Variants in RUNX2 observed in about 807,000 individuals in gnomAD.
RUNX2 encodes runt-related transcription factor 2.
In RUNX2, 10 loss-of-function variants were observed where a neutral mutation model predicts 51.7. That is an observed-to-expected ratio of 0.19 (90% confidence interval 0.12 to 0.33). The LOEUF (loss-of-function observed/expected upper bound fraction) is 0.33, where lower values mean the gene tolerates loss of function less well. Ranked by LOEUF, RUNX2 falls within the 10% of genes least tolerant of loss-of-function variation. The probability of loss-of-function intolerance (pLI) is 1.00; values close to 1 mark genes in which losing one functional copy is unlikely to be tolerated. For synonymous variants in RUNX2, 276 were observed against 273.6 expected, an observed-to-expected ratio of 1.01 and a Z score of -0.09; for missense variants, 562 against 691.3, an observed-to-expected ratio of 0.81 and a Z score of 2.10.
chr6:45,455,454 T>C (rs1799292807), intron 5 of RUNX2, among the ~76,000 whole-genome samples: 1 of 152,200 alleles, frequency 6.6e-6, no homozygotes, highest in Non-Finnish European at 1.5e-5. Flanking sequence ...AACGTATCCA[T>C]ATTGTTTATT....
intron 2 of RUNX2, among the ~76,000 whole-genome samples, chr6:45,412,907 G>A (rs539443595): frequency 1.3e-5 from 2 of 152,024 alleles, no homozygotes; most frequent in Admixed American, 1.3e-4. Context: ...CACCACACTC[G>A]GCTGATTTTT....
intron 7 of RUNX2, among the ~76,000 whole-genome samples, chr6:45,536,509 T>G (rs2150443897): frequency 6.6e-6 from 1 of 152,328 alleles, no homozygotes; most frequent in East Asian, 1.9e-4. Flanking sequence ...CAGGATGGCC[T>G]CAGGGCTGTT....
intron 5 of RUNX2, among the ~76,000 whole-genome samples, chr6:45,472,421 T>C (rs1322555274): frequency 1.3e-5 from 2 of 152,172 alleles, no homozygotes; most frequent in African/African-American, 4.8e-5. Flanking sequence ...TCCTTAGGTT[T>C]TCTCCCATTC....
intron 2 of RUNX2, among the ~76,000 whole-genome samples, chr6:45,329,259 AATAAACCT>A (rs2150069862): frequency 6.6e-6 from 1 of 152,100 alleles, no homozygotes; most frequent in East Asian, 1.9e-4. Flanking sequence ...ATAACACAGA[AATAAACCT>A]GTAGTACAGT....
intron 2 of RUNX2, among the ~76,000 whole-genome samples, chr6:45,353,712 C>T (rs934880618): frequency 6.6e-6 from 1 of 151,532 alleles, no homozygotes; most frequent in African/African-American, 2.4e-5. Flanking sequence ...AAGGGTAGGA[C>T]ATTCTGTCAA....
At chr6:45,423,109 C>T (rs1798271220) in intron 3 of RUNX2, 152 bp downstream of exon 3, 1 of 1,007,764 alleles carries the variant, frequency 9.9e-7, no homozygotes, top group African/African-American at 1.6e-5. Flanking sequence ...GGCCTCCCTC[C>T]GGATGCCCTG....
chr6:45,449,196 C>G (rs1799087380), intron 5 of RUNX2, among the ~76,000 whole-genome samples: 1 of 152,172 alleles, frequency 6.6e-6, no homozygotes, highest in Admixed American at 6.5e-5. Context: ...AACCACTAAA[C>G]TTTTCTCTAC....
chr6:45,339,309 G>C (rs909231357), intron 2 of RUNX2, among the ~76,000 whole-genome samples: 11 of 152,106 alleles, frequency 7.2e-5, no homozygotes, highest in Admixed American at 5.9e-4. Flanking sequence ...TGGAGAGAAA[G>C]CCTTCAGAAC....
intron 5 of RUNX2, among the ~76,000 whole-genome samples, chr6:45,487,358 G>T (rs956331918): frequency 6.6e-5 from 10 of 152,164 alleles, no homozygotes; most frequent in Non-Finnish European, 1.0e-4. Flanking sequence ...GGGACTCAGG[G>T]TCCTCATCCA....
chr6:45,529,631 C>A lies in RUNX2; in HGVS notation c.1022-15586C>A, dbSNP rs760101869. 2.7e-4 allele frequency among the ~76,000 whole-genome samples: 41 copies of A among 152,016 alleles called. 1 individual carries two copies. Among genetic ancestry groups the A allele is most frequent in the South Asian group, 1.0e-3 (5 of 4,818 alleles). ...GAGTTAGGCTTATTGCATTCCCTTT[C>A]ATTTAGAAGGGTATAGTAAAAGAGA... On this transcript the variant is annotated intron_variant, in intron 7 of 8. Transcript: ENST00000647337.
At chr6:45,368,046 T>C (rs1457681951) in intron 2 of RUNX2, among the ~76,000 whole-genome samples, 1 of 152,052 alleles carries the variant, frequency 6.6e-6, no homozygotes, top group Admixed American at 6.6e-5. Context: ...AAAAGAAAAG[T>C]CTGTTAAAAG....
At chr6:45,446,985 G>T (rs1237937824) in intron 5 of RUNX2, among the ~76,000 whole-genome samples, 1 of 152,242 alleles carries the variant, frequency 6.6e-6, no homozygotes, top group East Asian at 1.9e-4. Flanking sequence ...CACACTGGTG[G>T]TGAAAATCTA....
At chr6:45,389,433 G>A (rs191738702) in intron 2 of RUNX2, among the ~76,000 whole-genome samples, 1 of 152,268 alleles carries the variant, frequency 6.6e-6, no homozygotes, top group African/African-American at 2.4e-5. Flanking sequence ...ATGTGTGTAG[G>A]TGATCAAGGT....
chr6:45,386,156 CT>C (rs1797343318), intron 2 of RUNX2, among the ~76,000 whole-genome samples: 1 of 151,744 alleles, frequency 6.6e-6, no homozygotes, highest in South Asian at 2.1e-4. Context: ...CAACCTCCGC[CT>C]CCCAGGTTCA....
rs571266129 is a variant in RUNX2, at chr6:45,523,653, A to T, written c.1021+11246A>T. ...GGGAAATCTTAGAAAATAGATAACT[A>T]GGCTGGTGCGGTGGCTCACGCCTGT... is the stretch of plus-strand genomic sequence containing the variant. On this transcript the variant is annotated intron_variant, in intron 7 of 8. Transcript: ENST00000647337. 2.6e-5 allele frequency among the ~76,000 whole-genome samples: 4 copies of T among 151,624 alleles called. No individual in the cohort carries two copies. The South Asian group carries it at 8.4e-4, about 32-fold the overall frequency.
chr6:45,490,109 G>A (rs1275631282), intron 5 of RUNX2, among the ~76,000 whole-genome samples: 1 of 152,122 alleles, frequency 6.6e-6, no homozygotes, highest in Non-Finnish European at 1.5e-5. Context: ...GTCGGCAGCC[G>A]AGGACCATAA....
chr6:45,539,857 GAA>G (rs1802162461), intron 7 of RUNX2, among the ~76,000 whole-genome samples: 1 of 152,186 alleles, frequency 6.6e-6, no homozygotes, highest in Non-Finnish European at 1.5e-5. Flanking sequence ...GTTGGAAAAT[GAA>G]AATTCTTATC....
intron 5 of RUNX2, among the ~76,000 whole-genome samples, chr6:45,466,491 A>T (rs1318126913): frequency 6.6e-6 from 1 of 152,180 alleles, no homozygotes; most frequent in East Asian, 1.9e-4. Flanking sequence ...TCCAGCATCA[A>T]CATCCAAGCC....
At chr6:45,396,009 T>A (rs1302742974) in intron 2 of RUNX2, among the ~76,000 whole-genome samples, 1 of 152,132 alleles carries the variant, frequency 6.6e-6, no homozygotes, top group Non-Finnish European at 1.5e-5. Context: ...TAGTAAAAGA[T>A]TATGAAAAGA....
Sources: allele counts gnomAD v4.1 joint callset (sites outside exome capture counted in the v4.1 genomes callset), GRCh38; gene constraint gnomAD v4.1.1; transcripts MANE v1.5; gene names NCBI Gene and HGNC (gene_info 2026-07-23, HGNC 2026-07-21).